Variants in TBC1D4 observed in about 807,000 individuals in gnomAD.
The protein encoded by TBC1D4 is TBC (Tre-2, BUB2, CDC16) domain-containing protein.
A neutral mutation model predicts 142.5 loss-of-function variants in TBC1D4; 121 were observed. That is an observed-to-expected ratio of 0.85 (90% CI 0.73 to 0.99). The LOEUF is 0.99. Among genes scored for constraint, TBC1D4 ranks in the 50% least tolerant of loss-of-function variants. The pLI is 0.00. For missense variants in TBC1D4, 1,475 were observed against 1,606.6 expected, an observed-to-expected ratio of 0.92 and a Z score of 1.40; for synonymous variants, 630 against 628.2, an observed-to-expected ratio of 1.00 and a Z score of -0.04.
At chr13:75,352,110 T>TA (rs1470336475) in intron 4 of TBC1D4, among the ~76,000 whole-genome samples, 2 of 152,200 alleles carry the variant, frequency 1.3e-5, no homozygotes, top group Non-Finnish European at 2.9e-5. Flanking sequence ...TGCTCTTTTC[T>TA]GAAACATCTG....
rs1882030114 is a variant in TBC1D4, at chr13:75,356,186, C to G, written c.1236G>C (p.Gln412His). The G allele has an allele frequency of 2.5e-6, 4 of 1,613,746 alleles. No homozygotes were observed. In the East Asian group the frequency reaches 8.9e-5, roughly 36 times the overall value. ...CACACTGGAATACATAACAAATATA[C>G]TGGCTAAGTCCAGGCTCTGGAGACT... ...CRESPEPGLS[Q>H]YICYVFQCAS... Residue 412 changes from glutamine to histidine, a missense_variant, in exon 4 of 21, where the codon CAG becomes CAC. Physicochemically the swap from Gln to His is conservative, Grantham distance 24. Transcript: ENST00000377636.
At chr13:75,389,068 C>T (rs186979290) in intron 1 of TBC1D4, among the ~76,000 whole-genome samples, 4 of 152,332 alleles carry the variant, frequency 2.6e-5, no homozygotes, top group South Asian at 2.1e-4. Context: ...ACATGCTTGG[C>T]GCATAAGTGC....
At chr13:75,392,555 CT>C (rs1461123075) in intron 1 of TBC1D4, among the ~76,000 whole-genome samples, 1 of 152,076 alleles carries the variant, frequency 6.6e-6, no homozygotes, top group Non-Finnish European at 1.5e-5. Flanking sequence ...TTTTCCTTTC[CT>C]TTTCCTTTTC....
At chr13:75,290,876 TGGCTG>T (rs1875224828) in intron 19 of TBC1D4, among the ~76,000 whole-genome samples, 1 of 152,164 alleles carries the variant, frequency 6.6e-6, no homozygotes, top group Non-Finnish European at 1.5e-5. Context: ...AGCTAGTAAA[TGGCTG>T]GGCACCAGAA....
At chr13:75,364,347 T>C (rs1215467709) in intron 1 of TBC1D4, among the ~76,000 whole-genome samples, 1 of 152,214 alleles carries the variant, frequency 6.6e-6, no homozygotes, top group East Asian at 1.9e-4. Flanking sequence ...ACTGAAACTG[T>C]GGATAAGGAG....
chr13:75,469,186 G>T (rs1342978029), intron 1 of TBC1D4, among the ~76,000 whole-genome samples: 1 of 152,148 alleles, frequency 6.6e-6, no homozygotes, highest in Non-Finnish European at 1.5e-5. Context: ...TGACTTATAT[G>T]TCTGAATGTA....
At chr13:75,334,073 A>G (rs180941317) in intron 8 of TBC1D4, among the ~76,000 whole-genome samples, 4 of 152,172 alleles carry the variant, frequency 2.6e-5, no homozygotes, top group African/African-American at 9.7e-5. Context: ...TTATTTTCCC[A>G]TTAGTAATTA....
At chr13:75,425,569 G>C (rs1886343344) in intron 1 of TBC1D4, among the ~76,000 whole-genome samples, 1 of 152,146 alleles carries the variant, frequency 6.6e-6, no homozygotes, top group Non-Finnish European at 1.5e-5. Flanking sequence ...ATCAATGTAA[G>C]TGTCCACCAA....
chr13:75,306,293 A>G lies in TBC1D4; in HGVS notation c.2752+20T>C. 2 of 1,587,456 alleles carry G rather than the reference A, an allele frequency of 1.3e-6. No homozygotes were observed. Among genetic ancestry groups the G allele is most frequent in the Non-Finnish European group, 1.7e-6 (2 of 1,170,860 alleles). On this transcript the variant is annotated intron_variant, in intron 15 of 20. Coordinates refer to ENST00000377636, the MANE Select transcript of TBC1D4 (RefSeq NM_014832.5). The stretch of plus-strand genomic sequence containing the variant: ...GGCTTTTCTTTAAAAAACAAAAATT[A>G]CTGAGATTATCCCAAATACCTTCTT...
chr13:75,389,277 C>T (rs937244554), intron 1 of TBC1D4, among the ~76,000 whole-genome samples: 2 of 152,134 alleles, frequency 1.3e-5, no homozygotes, highest in Non-Finnish European at 2.9e-5. Flanking sequence ...TGATCATGTT[C>T]ATATTAATGA....
intron 1 of TBC1D4, among the ~76,000 whole-genome samples, chr13:75,368,994 A>G (rs1002467053): frequency 2.0e-5 from 3 of 151,426 alleles, no homozygotes; most frequent in Admixed American, 6.6e-5. Flanking sequence ...CAGTGAGCAG[A>G]GATTGCACCA....
chr13:75,449,009 G>GA, intron 1 of TBC1D4, among the ~76,000 whole-genome samples: 1 of 150,644 alleles, frequency 6.6e-6, no homozygotes, highest in East Asian at 2.0e-4. Context: ...TACACAAAGG[G>GA]GAGAATCATG....
intron 14 of TBC1D4, 54 bp downstream of exon 14, chr13:75,309,888 A>G: frequency 1.9e-6 from 3 of 1,589,992 alleles, no homozygotes; most frequent in Non-Finnish European, 2.6e-6. Flanking sequence ...GGTAGGTTTA[A>G]CATACACCCT....
rs1201479429 is a variant in TBC1D4, at chr13:75,466,482, A to C, written c.498+14788T>G. 5.9e-5 allele frequency among the ~76,000 whole-genome samples: 9 copies of C among 152,260 alleles called. No homozygotes were observed. In the South Asian group the frequency reaches 8.3e-4, roughly 14 times the overall value. The stretch of plus-strand genomic sequence containing the variant: ...TTTTTTAAATCAACAATTTTCTAAT[A>C]ATCAGTTCAAAGTCTCCACTTGAAT... On this transcript the variant is annotated intron_variant, in intron 1 of 20. Coordinates refer to ENST00000377636, the MANE Select transcript of TBC1D4 (RefSeq NM_014832.5).
At chr13:75,399,814 C>A (rs532680232) in intron 1 of TBC1D4, among the ~76,000 whole-genome samples, 2 of 152,298 alleles carry the variant, frequency 1.3e-5, no homozygotes, top group Admixed American at 1.3e-4. Context: ...TCTGGGACTT[C>A]TGCACCCCAG....
At chr13:75,346,652 C>G (rs566098) in intron 5 of TBC1D4, among the ~76,000 whole-genome samples, 69,256 of 151,960 alleles carry the variant, frequency 0.46, 16,243 homozygotes, top group East Asian at 0.67. Flanking sequence ...TAATCCTTTG[C>G]GTATATACCC....
intron 1 of TBC1D4, among the ~76,000 whole-genome samples, chr13:75,400,098 C>T (rs966224475): frequency 2.0e-5 from 3 of 152,152 alleles, no homozygotes; most frequent in Non-Finnish European, 4.4e-5. Context: ...GCCCAAATTG[C>T]AAAATAGTGG....
At chr13:75,370,118 G>A (rs1268903181) in intron 1 of TBC1D4, among the ~76,000 whole-genome samples, 1 of 152,132 alleles carries the variant, frequency 6.6e-6, no homozygotes, top group African/African-American at 2.4e-5. Flanking sequence ...TCAGAGGGAG[G>A]AATGTTCTGG....
intron 19 of TBC1D4, among the ~76,000 whole-genome samples, chr13:75,289,710 C>T (rs1370959278): frequency 2.0e-5 from 3 of 152,102 alleles, no homozygotes; most frequent in Non-Finnish European, 4.4e-5. Context: ...CAAAATTGCA[C>T]ACTGTGAGCA....
Sources: allele counts gnomAD v4.1 joint callset (sites outside exome capture counted in the v4.1 genomes callset), GRCh38; gene constraint gnomAD v4.1.1; transcripts MANE v1.5; gene names NCBI Gene and HGNC (gene_info 2026-07-23, HGNC 2026-07-21).